Variants in MAMLD1 observed in about 807,000 individuals in gnomAD.
MAMLD1 encodes mastermind like domain containing 1, also known as mastermind-like domain-containing protein 1.
Under a neutral mutation model 45.0 loss-of-function variants are expected in MAMLD1, and 14 were observed. The ratio of observed to expected loss-of-function variants is 0.31; its 90% confidence interval spans 0.21 to 0.49. The LOEUF is 0.49. MAMLD1 is among the 20% of genes least tolerant of loss of function. The probability of loss-of-function intolerance (pLI) is 0.99; values close to 1 mark genes in which losing one functional copy is unlikely to be tolerated. For missense variants in MAMLD1, 543 were observed against 603.6 expected (o/e 0.90, Z 1.05); for synonymous variants, 254 against 247.8 (o/e 1.02, Z -0.24).
intron 1 of MAMLD1, among the ~76,000 whole-genome samples, chrX:150,372,984 C>T (rs1195127061): frequency 2.7e-5 from 3 of 111,653 alleles, no homozygotes; most frequent in Non-Finnish European, 5.7e-5. Context: ...TTCTCACCCA[C>T]TAATAGGGCT....
At chrX:150,469,655 CTGTGTGTGTG>C (rs1557406186) in intron 3 of MAMLD1, 80 bp from the exon 4 acceptor site, 1 of 414,597 alleles carries the variant, frequency 2.4e-6, no homozygotes, top group Non-Finnish European at 4.1e-6. Context: ...CTCTCTCTCT[CTGTGTGTGTG>C]TGTGTGTGTG....
chrX:150,508,190 C>A (rs1419509550), intron 6 of MAMLD1, among the ~76,000 whole-genome samples: 4 of 112,791 alleles, frequency 3.5e-5, no homozygotes, highest in African/African-American at 1.3e-4. Context: ...GAAATGGCTG[C>A]CAACCCTGAC....
intron 1 of MAMLD1, among the ~76,000 whole-genome samples, chrX:150,421,426 G>T (rs781997466): frequency 8.9e-6 from 1 of 112,654 alleles, no homozygotes; most frequent in African/African-American, 3.2e-5. Flanking sequence ...GCTGTAGACC[G>T]GAGCTGTTCC....
chrX:150,401,245 C>T (rs782687383), intron 1 of MAMLD1, among the ~76,000 whole-genome samples: 2 of 108,954 alleles, frequency 1.8e-5, no homozygotes, highest in East Asian at 5.7e-4. Flanking sequence ...AATCAATGTA[C>T]AAAAATCACA....
At chrX:150,441,478 T>C (rs1419909903) in intron 1 of MAMLD1, among the ~76,000 whole-genome samples, 2 of 110,363 alleles carry the variant, frequency 1.8e-5, no homozygotes, top group Non-Finnish European at 3.8e-5. Context: ...CCACAAATTT[T>C]GATACATTGT....
intron 5 of MAMLD1, among the ~76,000 whole-genome samples, chrX:150,487,830 C>T (rs1332297640): frequency 3.6e-5 from 4 of 112,386 alleles, no homozygotes; most frequent in African/African-American, 1.3e-4. Context: ...GTTAAAAATC[C>T]TCACTGACGT....
intron 7 of MAMLD1, among the ~76,000 whole-genome samples, chrX:150,510,972 G>GAGGTTA (rs2037878540): frequency 8.9e-6 from 1 of 112,456 alleles, no homozygotes; most frequent in South Asian, 3.6e-4. Context: ...TGGCCTCCAG[G>GAGGTTA]AGGTTAACCT....
intron 5 of MAMLD1, among the ~76,000 whole-genome samples, chrX:150,486,521 A>G (rs1032458450): frequency 1.3e-4 from 14 of 111,764 alleles, no homozygotes; most frequent in Non-Finnish European, 2.4e-4. Flanking sequence ...GTGTCAAGAG[A>G]AGGAAGACTT....
At chrX:150,498,455 A>G (rs1603021006) in intron 5 of MAMLD1, among the ~76,000 whole-genome samples, 1 of 112,470 alleles carries the variant, frequency 8.9e-6, no homozygotes, top group African/African-American at 3.2e-5. Context: ...TGGCAAACCC[A>G]TAATTCAAGT....
At position 150,512,358 on chromosome X, in the gene MAMLD1, C is replaced by A. The variant is rs1348385407; in HGVS notation, c.*399C>A. The A allele has an allele frequency of 3.5e-6, 4 of 1,134,449 alleles. No homozygotes were observed. In the African/African-American group the frequency reaches 7.2e-5, roughly 20 times the overall value. 93.5% of individuals were successfully genotyped at this position (1,134,449 alleles called of 1,213,427 possible). On this transcript the variant is annotated 3_prime_UTR_variant, in exon 8 of 8. Transcript: ENST00000370401. ...TCCCTGGGCACCCAGTCCTTGAGTC[C>A]CCACCAGCTCAGACGGCCTAGTGTG... is the stretch of plus-strand genomic sequence containing the variant.
intron 1 of MAMLD1, among the ~76,000 whole-genome samples, chrX:150,406,568 C>T (rs2043300885): frequency 8.9e-6 from 1 of 111,764 alleles, no homozygotes; most frequent in Non-Finnish European, 1.9e-5. Context: ...AAGACCCCCA[C>T]CATTGATATT....
In MAMLD1 at chrX:150,406,310, A is replaced by G. The variant is rs782484113; in HGVS notation, c.-63-39144A>G. Among the ~76,000 whole-genome samples the G allele has an allele frequency of 5.6e-5, 6 of 107,445 alleles. No homozygotes were observed. In the East Asian group the frequency reaches 1.8e-3, roughly 31 times the overall value. 93.3% of individuals were successfully genotyped at this position (107,445 alleles called of 115,157 possible). A position where few individuals can be genotyped will look rare whatever the true frequency, so the allele number is the denominator to read the frequency against. On this transcript the variant is annotated intron_variant, in intron 1 of 7. Coordinates refer to ENST00000370401, the MANE Select transcript of MAMLD1 (RefSeq NM_005491.5). The stretch of plus-strand genomic sequence containing the variant: ...CATAGCAGGTAATGGAAGAGCTGGG[A>G]AAAAAAAAAGAAAGGAAATCTTTCC...
intron 1 of MAMLD1, among the ~76,000 whole-genome samples, chrX:150,425,268 A>G (rs1163751977): frequency 2.7e-5 from 3 of 111,354 alleles, no homozygotes; most frequent in African/African-American, 9.8e-5. Flanking sequence ...CTAGGAGTGG[A>G]ATTGTAGGAT....
At chrX:150,461,347 G>A (rs782615014) in intron 2 of MAMLD1, among the ~76,000 whole-genome samples, 1 of 112,930 alleles carries the variant, frequency 8.9e-6, no homozygotes, top group Admixed American at 9.3e-5. Flanking sequence ...CCACTCGCTT[G>A]TGCGGTATCT....
At chrX:150,475,659 A>C (rs940564474) in intron 5 of MAMLD1, among the ~76,000 whole-genome samples, 4 of 112,426 alleles carry the variant, frequency 3.6e-5, no homozygotes, top group Non-Finnish European at 7.5e-5. Context: ...ACTGAGGCTC[A>C]AGTCTGGCTA....
intron 5 of MAMLD1, among the ~76,000 whole-genome samples, chrX:150,481,509 T>C (rs2036755118): frequency 8.9e-6 from 1 of 111,881 alleles, no homozygotes; most frequent in Non-Finnish European, 1.9e-5. Context: ...GATCCAGTGA[T>C]TCCACTTCTG....
chrX:150,425,206 C>A (rs1223437325), intron 1 of MAMLD1, among the ~76,000 whole-genome samples: 1 of 111,565 alleles, frequency 9.0e-6, no homozygotes, highest in Admixed American at 9.5e-5. Flanking sequence ...TATGAACATT[C>A]CTGTTCAAGA....
At position 150,404,051 on chromosome X, in the gene MAMLD1, A is replaced by AAAGGAAGG. The variant is rs1557402599; in HGVS notation, c.-64+40528_-64+40535dup. Among the ~76,000 whole-genome samples the AAAGGAAGG allele has an allele frequency of 1.5e-4, 13 of 87,417 alleles. 1 individual carries two copies. The highest frequency in any genetic ancestry group is 4.5e-4 in the African/African-American group (10 of 22,270). 75.9% of individuals were successfully genotyped at this position (87,417 alleles called of 115,157 possible). On this transcript the variant is annotated intron_variant, in intron 1 of 7. Transcript: ENST00000370401. ...GGAGGAAGGGAGGAAGGAAGGAAGG[A>AAAGGAAGG]AAGGAAGGAAGGAAAGGAGGGAGGG...
chrX:150,509,919 TTGGTA>T (rs1557409042), intron 6 of MAMLD1, 38 bp from the exon 7 acceptor site: 2 of 951,216 alleles, frequency 2.1e-6, no homozygotes, highest in Non-Finnish European at 3.0e-6. Context: ...TAATTATTAA[TTGGTA>T]GCTGTAATCT....
Sources: gnomAD v4.1 joint callset for allele counts (sites outside exome capture counted in the v4.1 genomes callset) on GRCh38, gnomAD v4.1.1 for gene constraint, MANE v1.5 for transcripts, NCBI Gene and HGNC (gene_info 2026-07-23, HGNC 2026-07-21) for gene names.